Variants in TNFRSF1B observed in about 807,000 individuals in gnomAD.
TNFRSF1B encodes the protein TNF receptor superfamily member 1B.
TNFRSF1B carries 19 observed loss-of-function variants against 44.6 expected under a neutral mutation model. The observed-to-expected ratio is 0.43, with a 90% CI of 0.30 to 0.62. TNFRSF1B has a LOEUF of 0.62. Ranked by LOEUF, TNFRSF1B falls within the 20% of genes least tolerant of loss-of-function variation. The pLI, the probability that TNFRSF1B is intolerant of heterozygous loss-of-function variation, is 0.16. For missense variants in TNFRSF1B, 541 were observed against 619.9 expected, an observed-to-expected ratio of 0.87 and a Z score of 1.35; for synonymous variants, 252 against 261.1, an observed-to-expected ratio of 0.97 and a Z score of 0.34.
chr1:12,167,100 C>T lies in TNFRSF1B; in HGVS notation c.9C>T (p.Pro3=), dbSNP rs1218713899. The T allele has an allele frequency of 7.5e-7, 1 of 1,335,358 alleles. No homozygotes were observed. The highest frequency in any genetic ancestry group is 9.6e-7 in the Non-Finnish European group (1 of 1,039,962). 82.7% of individuals were successfully genotyped at this position (1,335,358 alleles called of 1,614,324 possible). A position where few individuals can be genotyped will look rare whatever the true frequency, so the allele number is the denominator to read the frequency against. MA[P]VAVWAALAVG... ...GGACCCCGCCCGCACCCATGGCGCC[C>T]GTCGCCGTCTGGGCCGCGCTGGCCG... The change falls in exon 1 of 10, where the codon CCC becomes CCT. Residue 3 remains proline (P), a synonymous_variant. Transcript: ENST00000376259.
At chr1:12,204,024 G>A (rs1370828407) in intron 9 of TNFRSF1B, among the ~76,000 whole-genome samples, 1 of 152,168 alleles carries the variant, frequency 6.6e-6, no homozygotes. Context: ...GCCAACATGC[G>A]CAGCCCATCT....
chr1:12,196,487 A>G (rs1019574523), intron 8 of TNFRSF1B, among the ~76,000 whole-genome samples: 2 of 152,142 alleles, frequency 1.3e-5, no homozygotes, highest in African/African-American at 4.8e-5. Context: ...AATCACCCCT[A>G]GTGGAGAACC....
intron 8 of TNFRSF1B, among the ~76,000 whole-genome samples, chr1:12,200,971 A>G (rs2101122844): frequency 6.6e-6 from 1 of 152,042 alleles, no homozygotes; most frequent in East Asian, 1.9e-4. Flanking sequence ...CATGAAAACC[A>G]GTGGGGTGTG....
At chr1:12,206,208 C>T (rs917453369) in intron 9 of TNFRSF1B, among the ~76,000 whole-genome samples, 6 of 152,036 alleles carry the variant, frequency 3.9e-5, no homozygotes, top group South Asian at 2.1e-4. Context: ...GGCAACCTGG[C>T]GAAACCCTGT....
chr1:12,191,911 G>C lies in TNFRSF1B; in HGVS notation c.445G>C (p.Val149Leu). 6.2e-7 allele frequency: 1 copy of C among 1,609,054 alleles called. No homozygotes were observed. The change falls in exon 4 of 10, where the codon GTG (valine) becomes CTG (leucine). Residue 149 changes from valine (V) to leucine (L), a missense_variant. Physicochemically the swap from Val to Leu is conservative, Grantham distance 32. Coordinates refer to ENST00000376259, the MANE Select transcript of TNFRSF1B (RefSeq NM_001066.3). Reference sequence around the variant, plus strand: ...GCGCAAGTGCCGCCCGGGCTTCGGCGTGGCCAGACCAGGTACGGGGTGGGG... The same window carrying C: ...GCGCAAGTGCCGCCCGGGCTTCGGCCTGGCCAGACCAGGTACGGGGTGGGG... Reference protein sequence around the residue: ...PLRKCRPGFGVARPGTETSDV... With the variant: ...PLRKCRPGFGLARPGTETSDV...
rs933211353 is a variant in TNFRSF1B, at chr1:12,167,063, C to A, written c.-29C>A. 2 of 1,281,768 alleles carry A rather than the reference C, an allele frequency of 1.6e-6. No homozygotes were observed. The highest frequency in any genetic ancestry group is 3.1e-5 in the African/African-American group (2 of 64,196). The allele number at this position is 1,281,768 out of a possible 1,614,324, so 79.4% of individuals were successfully genotyped here. A position where few individuals can be genotyped will look rare whatever the true frequency, so the allele number is the denominator to read the frequency against. On this transcript the variant is annotated 5_prime_UTR_variant, in exon 1 of 10. Coordinates refer to ENST00000376259, the MANE Select transcript of TNFRSF1B (RefSeq NM_001066.3). ...CTGCGAGGGCGCGAGGGCGCGAGGG[C>A]AGGGGGCAACCGGACCCCGCCCGCA...
intron 8 of TNFRSF1B, among the ~76,000 whole-genome samples, chr1:12,196,994 C>T (rs924113986): frequency 3.3e-5 from 5 of 151,032 alleles, no homozygotes; most frequent in Admixed American, 3.3e-4. Context: ...GTCGCCCAGG[C>T]TGCAGTGCAG....
At chr1:12,175,073 G>A (rs1197120850) in intron 1 of TNFRSF1B, among the ~76,000 whole-genome samples, 1 of 152,226 alleles carries the variant, frequency 6.6e-6, no homozygotes, top group Non-Finnish European at 1.5e-5. Flanking sequence ...GGAGAGCAGA[G>A]CGGGAGGGGA....
intron 1 of TNFRSF1B, among the ~76,000 whole-genome samples, chr1:12,183,748 T>C (rs1768638): frequency 1.2e-4 from 14 of 116,980 alleles, no homozygotes; most frequent in South Asian, 3.0e-4. Flanking sequence ...TATCTATCTA[T>C]CTAGCTAGCT....
At chr1:12,189,171 C>A (rs1639054653) in intron 2 of TNFRSF1B, among the ~76,000 whole-genome samples, 1 of 152,158 alleles carries the variant, frequency 6.6e-6, no homozygotes, top group Non-Finnish European at 1.5e-5. Context: ...TACTGCCCAG[C>A]CGGTGGAGGA....
intron 9 of TNFRSF1B, among the ~76,000 whole-genome samples, chr1:12,203,888 C>G (rs560097095): frequency 6.6e-6 from 1 of 152,344 alleles, no homozygotes; most frequent in East Asian, 1.9e-4. Flanking sequence ...TGCCATCACG[C>G]CTGGCTAACT....
At chr1:12,194,923 A>G (rs1396164287) in intron 8 of TNFRSF1B, among the ~76,000 whole-genome samples, 1 of 152,220 alleles carries the variant, frequency 6.6e-6, no homozygotes, top group African/African-American at 2.4e-5. Flanking sequence ...CTTCCTTACC[A>G]TGAGATGGGG....
At chr1:12,181,495 C>A (rs528441932) in intron 1 of TNFRSF1B, among the ~76,000 whole-genome samples, 37 of 152,264 alleles carry the variant, frequency 2.4e-4, no homozygotes, top group African/African-American at 7.7e-4. Context: ...AATGCCGAGG[C>A]TCAGAGAAAG....
chr1:12,183,711 T>TAGCTA lies in TNFRSF1B; in HGVS notation c.79-5085_79-5084insAGCTA, dbSNP rs1553163383. Among the ~76,000 whole-genome samples the TAGCTA allele has an allele frequency of 3.6e-4, 34 of 93,276 alleles. 1 individual carries two copies. Among genetic ancestry groups the TAGCTA allele is most frequent in the African/African-American group, 1.0e-3 (27 of 26,284 alleles). The allele number at this position is 93,276 out of a possible 152,430, so 61.2% of individuals were successfully genotyped here. On this transcript the variant is annotated intron_variant, in intron 1 of 9. Coordinates refer to ENST00000376259, the MANE Select transcript of TNFRSF1B (RefSeq NM_001066.3). ...ATCTATCTATCTATCTATCTATCTATTCTATCTACCTATCTATCTATCTAT... is the reference window on the plus strand; with the variant it reads ...ATCTATCTATCTATCTATCTATCTATAGCTATCTATCTACCTATCTATCTATCTAT...
At chr1:12,201,486 A>C (rs75161765) in intron 8 of TNFRSF1B, among the ~76,000 whole-genome samples, 10 of 149,644 alleles carry the variant, frequency 6.7e-5, no homozygotes, top group Non-Finnish European at 1.0e-4. Context: ...AAAAAAAAAA[A>C]GGCACAGAGA....
intron 2 of TNFRSF1B, among the ~76,000 whole-genome samples, chr1:12,190,233 C>T (rs1184645061): frequency 2.6e-5 from 4 of 151,710 alleles, no homozygotes; most frequent in African/African-American, 9.7e-5. Context: ...CTGAGGTGGG[C>T]GGACCACCGG....
At chr1:12,185,744 C>T (rs1405944685) in intron 1 of TNFRSF1B, among the ~76,000 whole-genome samples, 2 of 152,168 alleles carry the variant, frequency 1.3e-5, no homozygotes, top group Non-Finnish European at 2.9e-5. Flanking sequence ...GAGTTAGATC[C>T]CTACAGGAAA....
At chr1:12,179,068 G>A (rs1638729846) in intron 1 of TNFRSF1B, among the ~76,000 whole-genome samples, 1 of 152,064 alleles carries the variant, frequency 6.6e-6, no homozygotes, top group South Asian at 2.1e-4. Context: ...TTAGACTCAG[G>A]GTTCCTTGCA....
In TNFRSF1B at chr1:12,208,569, G is replaced by A. The variant is rs1639565215; in HGVS notation, c.*1549G>A. The A allele has an allele frequency of 1.3e-5, 2 of 152,390 alleles. No individual in the cohort carries two copies. The highest frequency in any genetic ancestry group is 2.1e-4 in the South Asian group (1 of 4,834). 9.4% of individuals were successfully genotyped at this position (152,390 alleles called of 1,614,324 possible). On this transcript the variant is annotated 3_prime_UTR_variant, in exon 10 of 10. Transcript: ENST00000376259. ...AGGGCCCTGCAGAGGGGAAACCAGTGTAGCCTTGCCCGGATTCTGGGAGGA... is the reference window on the plus strand; with the variant it reads ...AGGGCCCTGCAGAGGGGAAACCAGTATAGCCTTGCCCGGATTCTGGGAGGA...
Sources: allele counts gnomAD v4.1 joint callset (sites outside exome capture counted in the v4.1 genomes callset), GRCh38; gene constraint gnomAD v4.1.1; transcripts MANE v1.5; gene names NCBI Gene and HGNC (gene_info 2026-07-23, HGNC 2026-07-21).